MCU: variants seen among roughly 807,000 people sequenced by gnomAD.
MCU encodes calcium uniporter protein, mitochondrial.
MCU carries 12 observed loss-of-function variants against 45.2 expected under a neutral mutation model. The observed-to-expected ratio is 0.27, with a 90% CI of 0.17 to 0.43. The LOEUF (loss-of-function observed/expected upper bound fraction) is 0.43. Among genes scored for constraint, MCU ranks in the 20% least tolerant of loss-of-function variants. The pLI is 1.00. For missense variants in MCU, 324 were observed against 436.7 expected, an observed-to-expected ratio of 0.74 and a Z score of 2.30; for synonymous variants, 160 against 165.1, an observed-to-expected ratio of 0.97 and a Z score of 0.24.
chr10:72,820,118 C>T (rs1361853811), intron 1 of MCU, among the ~76,000 whole-genome samples: 1 of 152,088 alleles, frequency 6.6e-6, no homozygotes, highest in East Asian at 1.9e-4. Flanking sequence ...ACAAAATATC[C>T]GTTTACATTT....
chr10:72,765,867 C>A (rs936935465), intron 1 of MCU, among the ~76,000 whole-genome samples: 36 of 142,772 alleles, frequency 2.5e-4, no homozygotes, highest in Middle Eastern at 3.6e-3. Flanking sequence ...ATTTTATTTT[C>A]TTTTTCTTTT....
At chr10:72,698,080 A>G (rs1342178022) in intron 1 of MCU, among the ~76,000 whole-genome samples, 2 of 152,140 alleles carry the variant, frequency 1.3e-5, no homozygotes, top group Admixed American at 1.3e-4. Context: ...CACATCCAGC[A>G]CAAAATCATG....
chr10:72,753,024 G>A (rs1456527917), intron 1 of MCU, among the ~76,000 whole-genome samples: 1 of 152,082 alleles, frequency 6.6e-6, no homozygotes, highest in Non-Finnish European at 1.5e-5. Flanking sequence ...TCTATTGAGA[G>A]GCCCTAATTT....
rs745844298 is a variant in MCU at position 72,871,557 on chromosome 10, G to A, written c.838G>A (p.Ala280Thr). 51 of 1,613,848 alleles carry A rather than the reference G, an allele frequency of 3.2e-5. No individual in the cohort carries two copies. The highest frequency in any genetic ancestry group is 6.7e-5 in the Admixed American group (4 of 60,008). Residue 280 changes from alanine (A) to threonine (T), a missense_variant, in exon 6 of 8, where the codon GCA becomes ACA. Around this residue, in one of 4 missense-constraint regions of MCU, gnomAD observed 76 missense variants for 99.4 expected, o/e 0.76. Coordinates refer to ENST00000373053, the MANE Select transcript of MCU (RefSeq NM_138357.3). ...ITYGSAMAMY[A>T]YFVMTRQEYV... is the part of the protein sequence containing the mutation. ...TTATGGAAGTGCCATGGCAATGTATGCATATTTTGTAATGACACGCCAGGT... is the reference window on the plus strand; with the variant it reads ...TTATGGAAGTGCCATGGCAATGTATACATATTTTGTAATGACACGCCAGGT...
intron 2 of MCU, 22 bp downstream of exon 2, chr10:72,834,450 T>C: frequency 6.3e-7 from 1 of 1,593,866 alleles, no homozygotes; most frequent in East Asian, 2.2e-5. Flanking sequence ...CAAATCCACC[T>C]TTTATGTCTA....
At chr10:72,869,222 T>C (rs1845503202) in intron 5 of MCU, among the ~76,000 whole-genome samples, 1 of 152,234 alleles carries the variant, frequency 6.6e-6, no homozygotes, top group Non-Finnish European at 1.5e-5. Flanking sequence ...CCCTCTGTTA[T>C]CTGTAGGTTC....
chr10:72,870,313 CTA>C (rs1360908192), intron 5 of MCU, among the ~76,000 whole-genome samples: 1 of 152,204 alleles, frequency 6.6e-6, no homozygotes, highest in Non-Finnish European at 1.5e-5. Context: ...GAGTCTCACT[CTA>C]TTGCCCAGGC....
At chr10:72,712,983 C>G (rs991329480) in intron 1 of MCU, among the ~76,000 whole-genome samples, 1 of 152,170 alleles carries the variant, frequency 6.6e-6, no homozygotes, top group Non-Finnish European at 1.5e-5. Flanking sequence ...TTTCCAGGGA[C>G]TGTCGCTACG....
chr10:72,871,502 C>T lies in MCU; in HGVS notation c.783C>T (p.Asp261=), dbSNP rs1294204699. The change falls in exon 6 of 8, where the codon GAC becomes GAT. Residue 261 remains aspartate, a synonymous_variant. Transcript: ENST00000373053. ...TTACCTGGTGGGAATATTCCTGGGACATCATGGAGCCAGTAACATACTTCA... is the reference window on the plus strand; with the variant it reads ...TTACCTGGTGGGAATATTCCTGGGATATCATGGAGCCAGTAACATACTTCA... The part of the protein sequence containing the change: ...ARLTWWEYSW[D]IMEPVTYFIT... 2.5e-6 allele frequency: 4 copies of T among 1,614,188 alleles called. No homozygotes were observed. The highest frequency in any genetic ancestry group is 3.4e-6 in the Non-Finnish European group (4 of 1,180,014).
intron 1 of MCU, among the ~76,000 whole-genome samples, chr10:72,792,508 G>A (rs903460475): frequency 6.6e-6 from 1 of 152,238 alleles, no homozygotes; most frequent in East Asian, 1.9e-4. Flanking sequence ...TCAGCCTTCA[G>A]TTCTTCCATA....
At chr10:72,711,029 A>T (rs1224133784) in intron 1 of MCU, among the ~76,000 whole-genome samples, 9 of 151,964 alleles carry the variant, frequency 5.9e-5, no homozygotes. Flanking sequence ...AAATACAAAA[A>T]TTAGCTGGGC....
intron 1 of MCU, among the ~76,000 whole-genome samples, chr10:72,763,352 G>C (rs1228873604): frequency 1.3e-5 from 2 of 152,110 alleles, no homozygotes; most frequent in Non-Finnish European, 2.9e-5. Flanking sequence ...CCCAGGAAAA[G>C]CTTCGAGGAG....
chr10:72,750,964 A>G (rs954515164), intron 1 of MCU, among the ~76,000 whole-genome samples: 3 of 152,138 alleles, frequency 2.0e-5, no homozygotes, highest in African/African-American at 7.2e-5. Flanking sequence ...ATGTTATTGC[A>G]TGTTTCAATA....
intron 1 of MCU, among the ~76,000 whole-genome samples, chr10:72,794,516 T>A (rs937109860): frequency 2.0e-5 from 3 of 152,230 alleles, no homozygotes; most frequent in Non-Finnish European, 1.5e-5. Context: ...GCTGAGTAGT[T>A]TTCTTGGCCT....
At chr10:72,700,727 C>T (rs1355121372) in intron 1 of MCU, among the ~76,000 whole-genome samples, 8 of 152,158 alleles carry the variant, frequency 5.3e-5, no homozygotes, top group African/African-American at 1.7e-4. Context: ...GATATGACAT[C>T]GCATTTTGAC....
At chr10:72,789,958 A>G (rs938253697) in intron 1 of MCU, among the ~76,000 whole-genome samples, 1 of 152,206 alleles carries the variant, frequency 6.6e-6, no homozygotes, top group African/African-American at 2.4e-5. Flanking sequence ...AAAGACCTTC[A>G]AAAGGATGGC....
intron 1 of MCU, among the ~76,000 whole-genome samples, chr10:72,723,880 A>G (rs988790088): frequency 1.3e-5 from 2 of 152,204 alleles, no homozygotes; most frequent in Admixed American, 1.3e-4. Flanking sequence ...TTACACTCAC[A>G]AGTAACAGCC....
chr10:72,715,201 G>C, intron 1 of MCU: 1 of 984,456 alleles, frequency 1.0e-6, no homozygotes, highest in Non-Finnish European at 1.2e-6. Context: ...AGCTGCTAGA[G>C]TGTGGAGCTG....
chr10:72,722,188 G>C (rs61864405), intron 1 of MCU, among the ~76,000 whole-genome samples: 6 of 151,700 alleles, frequency 4.0e-5, no homozygotes, highest in Non-Finnish European at 8.8e-5. Flanking sequence ...AAAGCTGTGG[G>C]CACTTAAATC....
Sources: gnomAD v4.1 joint callset for allele counts (sites outside exome capture counted in the v4.1 genomes callset) on GRCh38, gnomAD v4.1.1 for gene constraint, gnomAD v4.1.1 regional missense constraint, MANE v1.5 for transcripts, NCBI Gene and HGNC (gene_info 2026-07-23, HGNC 2026-07-21) for gene names.